The following SLCO1A2 variants were observed in gnomAD, a reference collection of about 807,000 sequenced individuals.
SLCO1A2 encodes OATP-1.
A neutral mutation model predicts 69.0 loss-of-function variants in SLCO1A2; 67 were observed. The observed-to-expected ratio is 0.97, with a 90% confidence interval of 0.80 to 1.19. The LOEUF is 1.19. SLCO1A2 is among the 50% of genes most tolerant of loss of function. The pLI is 0.00. For missense variants in SLCO1A2, 787 were observed against 793.7 expected, an observed-to-expected ratio of 0.99 and a Z score of 0.10; for synonymous variants, 260 against 265.9, an observed-to-expected ratio of 0.98 and a Z score of 0.22.
At chr12:21,382,384 C>T (rs981204904) in intron 1 of SLCO1A2, among the ~76,000 whole-genome samples, 2 of 152,124 alleles carry the variant, frequency 1.3e-5, no homozygotes, top group Non-Finnish European at 1.5e-5. Context: ...ATATAATGTA[C>T]GCTTCTTGGG....
intron 2 of SLCO1A2, among the ~76,000 whole-genome samples, chr12:21,347,767 T>C (rs541420039): frequency 6.6e-6 from 1 of 152,160 alleles, no homozygotes; most frequent in East Asian, 1.9e-4. Context: ...TTAATAGCAT[T>C]ATATAAATAG....
intron 2 of SLCO1A2, chr12:21,324,714 A>G (rs1438700608): frequency 1.3e-5 from 2 of 152,206 alleles, no homozygotes. Context: ...CTCTTTAACC[A>G]GAGCATCAGC....
At chr12:21,343,845 G>A (rs995375818) in intron 2 of SLCO1A2, among the ~76,000 whole-genome samples, 1 of 152,062 alleles carries the variant, frequency 6.6e-6, no homozygotes, top group African/African-American at 2.4e-5. Flanking sequence ...ATAGGGCAGA[G>A]CAGAACAAAA....
In SLCO1A2 at chr12:21,297,550, T is replaced by C; in HGVS notation, c.929A>G (p.Lys310Arg). The stretch of plus-strand genomic sequence containing the variant: ...ATAAATTGGATTGCAGGAAAGACTT[T>C]TCATGAAAGGTAGAAAATCTGAAAT... ...GITKDFLPFM[K>R]SLSCNPIYML... Residue 310 changes from lysine to arginine, a missense_variant, in exon 9 of 15, where the codon AAA becomes AGA. Transcript: ENST00000683939. 1 of 1,575,474 alleles carries C rather than the reference T, an allele frequency of 6.3e-7. No individual in the cohort carries two copies. The highest frequency in any genetic ancestry group is 1.4e-5 in the African/African-American group (1 of 74,054).
At chr12:21,361,550 T>C (rs1244182176) in intron 2 of SLCO1A2, among the ~76,000 whole-genome samples, 2 of 152,230 alleles carry the variant, frequency 1.3e-5, no homozygotes, top group African/African-American at 4.8e-5. Context: ...CTTTGACGAG[T>C]TGACAGAAGA....
chr12:21,400,252 T>C (rs1186482077), upstream of SLCO1A2, among the ~76,000 whole-genome samples: 4 of 152,182 alleles, frequency 2.6e-5, no homozygotes, highest in Non-Finnish European at 4.4e-5. Flanking sequence ...AAGACATTTA[T>C]GCAGCTAAAA....
chr12:21,364,584 A>G (rs1316194370), intron 2 of SLCO1A2, among the ~76,000 whole-genome samples: 2 of 152,214 alleles, frequency 1.3e-5, no homozygotes, highest in Non-Finnish European at 2.9e-5. Flanking sequence ...AGGGTATTCA[A>G]TTAGGAAAAG....
At chr12:21,371,093 T>C (rs182709883) in intron 2 of SLCO1A2, among the ~76,000 whole-genome samples, 4 of 152,320 alleles carry the variant, frequency 2.6e-5, no homozygotes, top group Non-Finnish European at 2.9e-5. Flanking sequence ...TTTAACTACA[T>C]GCAGATTAAG....
At chr12:21,340,235 C>A (rs1380996184) in intron 2 of SLCO1A2, among the ~76,000 whole-genome samples, 1 of 151,974 alleles carries the variant, frequency 6.6e-6, no homozygotes, top group African/African-American at 2.4e-5. Flanking sequence ...ATCACTGTTG[C>A]ATCATGTAAA....
At chr12:21,346,754 C>T (rs1953263898) in intron 2 of SLCO1A2, among the ~76,000 whole-genome samples, 1 of 152,144 alleles carries the variant, frequency 6.6e-6, no homozygotes, top group Admixed American at 6.5e-5. Context: ...CTCTACTCCC[C>T]CATAAAAGTA....
intron 2 of SLCO1A2, among the ~76,000 whole-genome samples, chr12:21,331,694 A>T (rs1418106668): frequency 6.6e-6 from 1 of 151,988 alleles, no homozygotes; most frequent in Non-Finnish European, 1.5e-5. Flanking sequence ...TTACCATCTT[A>T]CAGGCAGGAA....
At chr12:21,365,513 A>T (rs143614666) in intron 2 of SLCO1A2, among the ~76,000 whole-genome samples, 56 of 152,322 alleles carry the variant, frequency 3.7e-4, no homozygotes, top group Admixed American at 5.9e-4. Flanking sequence ...TAAAACACCA[A>T]AAGCAATGGC....
intron 2 of SLCO1A2, among the ~76,000 whole-genome samples, chr12:21,345,281 A>C (rs1953216685): frequency 6.6e-6 from 1 of 152,058 alleles, no homozygotes; most frequent in Non-Finnish European, 1.5e-5. Flanking sequence ...TTCAGATGGA[A>C]TCTGCTTTCT....
intron 1 of SLCO1A2, among the ~76,000 whole-genome samples, chr12:21,408,973 G>A (rs924841308): frequency 2.6e-5 from 4 of 152,152 alleles, no homozygotes; most frequent in Admixed American, 1.3e-4. Context: ...ATAAAAAGGC[G>A]GCAGAGGTAG....
intron 14 of SLCO1A2, among the ~76,000 whole-genome samples, chr12:21,273,506 A>G (rs1345355064): frequency 6.6e-6 from 1 of 152,164 alleles, no homozygotes; most frequent in African/African-American, 2.4e-5. Flanking sequence ...CATTTCATTG[A>G]CCAGTCTAAT....
chr12:21,418,896 G>C (rs1166554709), upstream of SLCO1A2, among the ~76,000 whole-genome samples: 2 of 151,962 alleles, frequency 1.3e-5, no homozygotes, highest in African/African-American at 4.8e-5. Context: ...TGTGAACTAA[G>C]AATAGTTTTT....
chr12:21,341,150 A>C lies in SLCO1A2; in HGVS notation c.-62-6441T>G, dbSNP rs962366690. Reference sequence around the variant, plus strand: ...CTTATAAGTGGCAGAGCCAGGATTCAGACTCAGGAAGTCTGGCCCTAGAGA... The same window carrying C: ...CTTATAAGTGGCAGAGCCAGGATTCCGACTCAGGAAGTCTGGCCCTAGAGA... On this transcript the variant is annotated intron_variant, in intron 2 of 15. Coordinates refer to the SLCO1A2 transcript ENST00000307378. Among the ~76,000 whole-genome samples the C allele has an allele frequency of 2.6e-5, 4 of 152,102 alleles. No homozygotes were observed. In the East Asian group the frequency reaches 7.7e-4, roughly 29 times the overall value.
At chr12:21,277,642 C>A (rs112699138) in intron 12 of SLCO1A2, among the ~76,000 whole-genome samples, 4,646 of 152,168 alleles carry the variant, frequency 0.031, 67 homozygotes, top group Middle Eastern at 0.051. Flanking sequence ...TTCCACTGAC[C>A]AGGCAGGAGT....
At chr12:21,401,069 G>T (rs577413741) in intron 1 of SLCO1A2, among the ~76,000 whole-genome samples, 179 of 151,362 alleles carry the variant, frequency 1.2e-3, no homozygotes, top group African/African-American at 3.9e-3. Context: ...ACAAATAAAG[G>T]TTCCCAGCTA....
Sources: gnomAD v4.1 joint callset for allele counts (sites outside exome capture counted in the v4.1 genomes callset) on GRCh38, gnomAD v4.1.1 for gene constraint, MANE v1.5 for transcripts, NCBI Gene and HGNC (gene_info 2026-07-23, HGNC 2026-07-21) for gene names.